NUMB: variants seen among roughly 807,000 people sequenced by gnomAD.
NUMB encodes protein numb homolog.
A neutral mutation model predicts 59.7 loss-of-function variants in NUMB; 29 were observed. The ratio of observed to expected loss-of-function variants is 0.49; its 90% CI spans 0.36 to 0.66. NUMB has a LOEUF of 0.66. NUMB is among the 30% of genes least tolerant of loss of function. NUMB has a pLI of 0.00. For missense variants in NUMB, 723 were observed against 822.0 expected (o/e 0.88, Z 1.47); for synonymous variants, 288 against 288.2 (o/e 1.00, Z 0.01).
intron 5 of NUMB, among the ~76,000 whole-genome samples, chr14:73,317,570 G>C (rs1238476495): frequency 6.6e-6 from 1 of 152,160 alleles, no homozygotes; most frequent in East Asian, 1.9e-4. Flanking sequence ...CTAAAGTGCT[G>C]GAATTACAGA....
chr14:73,431,563 A>C (rs1041530340), intron 1 of NUMB, among the ~76,000 whole-genome samples: 1 of 150,824 alleles, frequency 6.6e-6, no homozygotes, highest in African/African-American at 2.4e-5. Context: ...CCTGGCCAAC[A>C]TGGTGAAACC....
chr14:73,336,577 G>A (rs540628994), intron 4 of NUMB, among the ~76,000 whole-genome samples: 1 of 152,250 alleles, frequency 6.6e-6, no homozygotes, highest in African/African-American at 2.4e-5. Context: ...CCAGAGGAAT[G>A]GGCTACACTG....
At chr14:73,387,732 CA>C (rs796888924) in intron 2 of NUMB, among the ~76,000 whole-genome samples, 91 of 93,682 alleles carry the variant, frequency 9.7e-4, no homozygotes, top group Middle Eastern at 5.2e-3. Flanking sequence ...TACCCAATCT[CA>C]AAAAAAAAAA....
intron 1 of NUMB, among the ~76,000 whole-genome samples, chr14:73,422,908 C>A (rs990295372): frequency 3.3e-3 from 406 of 122,804 alleles, no homozygotes; most frequent in Middle Eastern, 4.5e-3. Flanking sequence ...GATCCTGTCT[C>A]AAAAAAAAAA....
At chr14:73,366,837 G>T (rs148229675) in intron 3 of NUMB, 60 bp downstream of exon 3, 226 of 152,264 alleles carry the variant, frequency 1.5e-3, no homozygotes, top group African/African-American at 5.2e-3. Context: ...ATCACAGGTT[G>T]ATACTTCACA....
At chr14:73,399,995 T>C (rs956037333) in intron 2 of NUMB, among the ~76,000 whole-genome samples, 2 of 151,286 alleles carry the variant, frequency 1.3e-5, no homozygotes, top group Non-Finnish European at 2.9e-5. Flanking sequence ...GCTGAGATCG[T>C]GCCACTGCAC....
chr14:73,387,487 GA>G (rs1442829066), intron 2 of NUMB, among the ~76,000 whole-genome samples: 1 of 152,040 alleles, frequency 6.6e-6, no homozygotes, highest in Non-Finnish European at 1.5e-5. Context: ...GGTTTTATAA[GA>G]GGCTTTTCCC....
At chr14:73,328,086 C>A (rs1160016525) in intron 4 of NUMB, among the ~76,000 whole-genome samples, 2 of 152,066 alleles carry the variant, frequency 1.3e-5, no homozygotes, top group Non-Finnish European at 2.9e-5. Context: ...ACCAGCCTGG[C>A]CAATATGGTG....
chr14:73,309,927 T>C (rs1299247427), intron 6 of NUMB, among the ~76,000 whole-genome samples: 1 of 152,052 alleles, frequency 6.6e-6, no homozygotes, highest in Non-Finnish European at 1.5e-5. Context: ...CATAACAACA[T>C]ATTACTTTTC....
chr14:73,429,010 C>A (rs1897705680), intron 1 of NUMB, among the ~76,000 whole-genome samples: 1 of 152,030 alleles, frequency 6.6e-6, no homozygotes, highest in Admixed American at 6.6e-5. Flanking sequence ...ACAGAACACC[C>A]AAAAAAATTC....
intron 1 of NUMB, among the ~76,000 whole-genome samples, chr14:73,443,455 C>T (rs1483753843): frequency 5.9e-5 from 9 of 151,558 alleles, no homozygotes; most frequent in African/African-American, 2.2e-4. Flanking sequence ...ATTAGCCAGG[C>T]GTGGTGGCGC....
At position 73,276,468 on chromosome 14, in the gene NUMB, G is replaced by A. The variant is rs549384821; in HGVS notation, c.*110C>T. On this transcript the variant is annotated 3_prime_UTR_variant, in exon 13 of 13. Coordinates refer to ENST00000555238, the MANE Select transcript of NUMB (RefSeq NM_001005743.2). ...CCTGGACTTGTTCCTTGGGACCTTTGGGATTAGTGAAAAGAGTACTAATCA... is the reference window on the plus strand; with the variant it reads ...CCTGGACTTGTTCCTTGGGACCTTTAGGATTAGTGAAAAGAGTACTAATCA... 7 of 790,246 alleles carry A rather than the reference G, an allele frequency of 8.9e-6. No homozygotes were observed. Among genetic ancestry groups the A allele is most frequent in the African/African-American group, 7.0e-5 (4 of 57,524 alleles). The allele number at this position is 790,246 out of a possible 1,614,324, so 49.0% of individuals were successfully genotyped here.
chr14:73,413,817 A>G (rs1485200120), intron 1 of NUMB, among the ~76,000 whole-genome samples: 1 of 152,084 alleles, frequency 6.6e-6, no homozygotes. Context: ...AACAAAACAA[A>G]GAGTTCTTTT....
intron 2 of NUMB, among the ~76,000 whole-genome samples, chr14:73,394,028 C>T (rs568547029): frequency 2.4e-3 from 362 of 151,494 alleles, no homozygotes; most frequent in African/African-American, 7.7e-3. Context: ...TGCAATTGCG[C>T]GATCTTGGCT....
chr14:73,367,330 C>CATATATATATATATAT (rs369452106), intron 2 of NUMB, among the ~76,000 whole-genome samples: 2 of 116,104 alleles, frequency 1.7e-5, no homozygotes, highest in African/African-American at 8.3e-5. Flanking sequence ...CACATATATA[C>CATATATATATATATAT]ATATATATAT....
chr14:73,402,590 A>G (rs1368268723), intron 2 of NUMB, among the ~76,000 whole-genome samples: 3 of 152,190 alleles, frequency 2.0e-5, no homozygotes, highest in African/African-American at 7.2e-5. Flanking sequence ...AACAATTATA[A>G]TAATAATATC....
At chr14:73,286,184 A>G (rs527424517) in intron 9 of NUMB, 9 of 126,918 alleles carry the variant, frequency 7.1e-5, no homozygotes, top group African/African-American at 2.7e-4. Context: ...ACCACCAAAT[A>G]TGGCAATTTT....
In NUMB at chr14:73,276,954, A is replaced by AC; in HGVS notation, c.1579dup (p.Val527GlyfsTer51). On this transcript the variant is annotated frameshift_variant, in exon 13 of 13. Transcript: ENST00000555238. LOFTEE classifies it high-confidence loss of function. Reference sequence around the variant, plus strand: ...CACCATCTGGGAGGGAGTGATGCCCACCACAGGCACATTAGGGGCTGGATA... The same window carrying AC: ...CACCATCTGGGAGGGAGTGATGCCCACCCACAGGCACATTAGGGGCTGGATA... 1 of 1,614,156 alleles carries AC rather than the reference A, an allele frequency of 6.2e-7. No individual in the cohort carries two copies. The highest frequency in any genetic ancestry group is 8.5e-7 in the Non-Finnish European group (1 of 1,180,026).
intron 1 of NUMB, among the ~76,000 whole-genome samples, chr14:73,413,997 C>T (rs1306977468): frequency 1.3e-5 from 2 of 151,312 alleles, no homozygotes; most frequent in Non-Finnish European, 2.9e-5. Flanking sequence ...CTCTGTCACC[C>T]AGGCTGGAGT....
Sources: allele counts gnomAD v4.1 joint callset (sites outside exome capture counted in the v4.1 genomes callset), GRCh38; gene constraint gnomAD v4.1.1; transcripts MANE v1.5; gene names NCBI Gene and HGNC (gene_info 2026-07-23, HGNC 2026-07-21).